The following RPGRIP1 variants were observed in gnomAD, a reference collection of about 807,000 sequenced individuals.
RPGRIP1 encodes RPGR interacting protein 1, also known as X-linked retinitis pigmentosa GTPase regulator-interacting protein 1.
A neutral mutation model predicts 157.9 loss-of-function variants in RPGRIP1; 128 were observed. That is an observed-to-expected ratio of 0.81 (90% CI 0.70 to 0.94). RPGRIP1 has a LOEUF of 0.94. Among genes scored for constraint, RPGRIP1 ranks in the 40% least tolerant of loss-of-function variants. The pLI is 0.00. For missense variants in RPGRIP1, 1,486 were observed against 1,545.8 expected (o/e 0.96, Z 0.65); for synonymous variants, 554 against 571.6 (o/e 0.97, Z 0.44).
chr14:21,319,915 T>C, intron 11 of RPGRIP1, 102 bp from the exon 12 acceptor site: 1 of 1,102,436 alleles, frequency 9.1e-7, no homozygotes, highest in Non-Finnish European at 1.3e-6. Flanking sequence ...TTTATAACAT[T>C]AATTAAACCT....
rs895006563 is a variant in RPGRIP1 at position 21,321,438 on chromosome 14, A to T, written c.1611+36A>T. 4.4e-6 allele frequency: 7 copies of T among 1,590,728 alleles called. No homozygotes were observed. The Admixed American group carries it at 1.3e-4, about 29-fold the overall frequency. On this transcript the variant is annotated intron_variant, in intron 13 of 24. Transcript: ENST00000400017. ...AGATGGTACAGGAAGGGGATGGATA[A>T]CAGGAACGTGGGAACCACTCACAGG...
At chr14:21,295,547 G>A (rs1412619920) in intron 3 of RPGRIP1, among the ~76,000 whole-genome samples, 3 of 143,056 alleles carry the variant, frequency 2.1e-5, no homozygotes, top group Non-Finnish European at 4.5e-5. Flanking sequence ...GCAATGGCAT[G>A]ATCTCAGCTC....
At chr14:21,335,095 G>A (rs1353331504) in intron 21 of RPGRIP1, among the ~76,000 whole-genome samples, 1 of 150,808 alleles carries the variant, frequency 6.6e-6, no homozygotes, top group Non-Finnish European at 1.5e-5. Flanking sequence ...TGTGCTTAGT[G>A]GCCACACAAG....
intron 21 of RPGRIP1, among the ~76,000 whole-genome samples, chr14:21,338,266 C>T (rs1026573895): frequency 2.6e-5 from 4 of 152,204 alleles, no homozygotes; most frequent in African/African-American, 9.7e-5. Context: ...TTTTCATTTG[C>T]TCTATGGTCC....
chr14:21,345,274 T>C (rs1282813902), intron 23 of RPGRIP1, 77 bp downstream of exon 23: 18 of 943,850 alleles, frequency 1.9e-5, no homozygotes, highest in Non-Finnish European at 3.0e-5. Flanking sequence ...GGTTTTGTGC[T>C]GATGCTGAAT....
At chr14:21,300,857 C>T (rs769186935) in intron 3 of RPGRIP1, 109 bp from the exon 4 acceptor site, 133 of 1,277,088 alleles carry the variant, frequency 1.0e-4, no homozygotes, top group Admixed American at 3.3e-4. Context: ...TAATAGATCA[C>T]GGTAGATGAA....
At chr14:21,315,816 T>TG (rs35351273) in intron 10 of RPGRIP1, among the ~76,000 whole-genome samples, 1 of 151,430 alleles carries the variant, frequency 6.6e-6, no homozygotes, top group African/African-American at 2.4e-5. Flanking sequence ...ATTTTTTTTT[T>TG]GAGGCAGAGT....
At chr14:21,350,798 A>C (rs932301726) in intron 24 of RPGRIP1, among the ~76,000 whole-genome samples, 3 of 151,978 alleles carry the variant, frequency 2.0e-5, no homozygotes, top group Non-Finnish European at 4.4e-5. Context: ...GTTCTTCCTG[A>C]CCTCCATGCC....
At chr14:21,303,678 C>T (rs1374981413) in intron 6 of RPGRIP1, 135 bp downstream of exon 6, 2 of 685,376 alleles carry the variant, frequency 2.9e-6, no homozygotes, top group East Asian at 2.7e-5. Context: ...GACACGGAGT[C>T]CCTCGTAGGT....
At chr14:21,289,963 T>G (rs1880455547) in intron 2 of RPGRIP1, among the ~76,000 whole-genome samples, 1 of 152,102 alleles carries the variant, frequency 6.6e-6, no homozygotes, top group African/African-American at 2.4e-5. Context: ...TTCAAGTGAT[T>G]CTCCTGCCTC....
chr14:21,300,926 T>TTTA, intron 3 of RPGRIP1, 40 bp from the exon 4 acceptor site: 1 of 1,596,972 alleles, frequency 6.3e-7, no homozygotes, highest in Non-Finnish European at 8.5e-7. Flanking sequence ...AAATAATAAC[T>TTTA]GTCATGAAAG....
At chr14:21,287,485 T>G (rs1159623156) in intron 1 of RPGRIP1, among the ~76,000 whole-genome samples, 1 of 152,164 alleles carries the variant, frequency 6.6e-6, no homozygotes, top group African/African-American at 2.4e-5. Flanking sequence ...GGAGATAGAA[T>G]CTGATTGGTT....
chr14:21,347,619 A>G (rs1885695625), intron 23 of RPGRIP1, among the ~76,000 whole-genome samples: 1 of 152,244 alleles, frequency 6.6e-6, no homozygotes, highest in Admixed American at 6.5e-5. Context: ...AAATTAATAA[A>G]AATATGAAAA....
chr14:21,296,098 G>C (rs1327728673), intron 3 of RPGRIP1, among the ~76,000 whole-genome samples: 1 of 149,374 alleles, frequency 6.7e-6, no homozygotes, highest in Non-Finnish European at 1.5e-5. Flanking sequence ...ACCATGGCCA[G>C]CTAATTTTTT....
At chr14:21,283,515 C>A (rs139643139) in intron 1 of RPGRIP1, among the ~76,000 whole-genome samples, 3 of 151,894 alleles carry the variant, frequency 2.0e-5, no homozygotes, top group Non-Finnish European at 4.4e-5. Context: ...GTTAGCCAGG[C>A]TGGTCTCAAA....
intron 6 of RPGRIP1, among the ~76,000 whole-genome samples, chr14:21,306,704 G>A (rs905889565): frequency 1.3e-5 from 2 of 149,738 alleles, no homozygotes; most frequent in African/African-American, 4.9e-5. Context: ...TGATCCACCC[G>A]CCTCAGCCTT....
intron 14 of RPGRIP1, 90 bp downstream of exon 14, chr14:21,322,094 C>CCCT: frequency 9.4e-7 from 1 of 1,060,956 alleles, no homozygotes; most frequent in Non-Finnish European, 1.4e-6. Flanking sequence ...AGAAGGGTGC[C>CCCT]TCTCATACCC....
intron 21 of RPGRIP1, among the ~76,000 whole-genome samples, chr14:21,336,046 C>T (rs1483088320): frequency 1.3e-5 from 2 of 152,054 alleles, no homozygotes; most frequent in Non-Finnish European, 2.9e-5. Flanking sequence ...GACCTAAAAC[C>T]AAGGAGGTAG....
chr14:21,290,793 T>C (rs1391145378), intron 2 of RPGRIP1, among the ~76,000 whole-genome samples: 2 of 144,982 alleles, frequency 1.4e-5, no homozygotes, highest in African/African-American at 2.6e-5. Flanking sequence ...CACTCAAGCC[T>C]GGGCGACAGA....
Sources: allele counts gnomAD v4.1 joint callset (sites outside exome capture counted in the v4.1 genomes callset), GRCh38; gene constraint gnomAD v4.1.1; transcripts MANE v1.5; gene names NCBI Gene and HGNC (gene_info 2026-07-23, HGNC 2026-07-21).